The following RBMS3 variants were observed in gnomAD, a reference collection of about 807,000 sequenced individuals.
RBMS3 encodes the protein RNA-binding motif, single-stranded-interacting protein 3.
RBMS3 carries 27 observed loss-of-function variants against 66.8 expected under a neutral mutation model. That is an observed-to-expected ratio of 0.40 (90% CI 0.30 to 0.56). The LOEUF (loss-of-function observed/expected upper bound fraction) is 0.56. Ranked by LOEUF, RBMS3 falls within the 20% of genes least tolerant of loss-of-function variation. The pLI is 0.40. For missense variants in RBMS3, 513 were observed against 549.5 expected (o/e 0.93, Z 0.66); for synonymous variants, 188 against 183.0 (o/e 1.03, Z -0.22).
At position 29,631,583 on chromosome 3, in the gene RBMS3, A is replaced by G. The variant is rs561140412; in HGVS notation, c.399+44378A>G. ...AGACATGTTGACACACCACAGGTCAAACACCAGAATCCCACTAGAACAAAA... is the reference window on the plus strand; with the variant it reads ...AGACATGTTGACACACCACAGGTCAGACACCAGAATCCCACTAGAACAAAA... On this transcript the variant is annotated intron_variant, in intron 4 of 14. Coordinates refer to ENST00000383767, the MANE Select transcript of RBMS3 (RefSeq NM_001003793.3). Among the ~76,000 whole-genome samples, 9 of 152,066 alleles carry G rather than the reference A, an allele frequency of 5.9e-5. 1 individual carries two copies. The highest frequency in any genetic ancestry group is 2.2e-4 in the African/African-American group (9 of 41,526).
intron 1 of RBMS3, among the ~76,000 whole-genome samples, chr3:29,289,062 T>C (rs2032602538): frequency 1.3e-5 from 2 of 151,958 alleles, no homozygotes; most frequent in African/African-American, 4.8e-5. Flanking sequence ...TAAGTTCCTA[T>C]TATGCTTGCT....
chr3:29,501,052 G>A (rs1249041527), intron 3 of RBMS3, among the ~76,000 whole-genome samples: 1 of 152,200 alleles, frequency 6.6e-6, no homozygotes. Flanking sequence ...TCCTGGGGAA[G>A]TTGTTCTGCC....
chr3:29,913,246 G>A (rs954793397), intron 10 of RBMS3, among the ~76,000 whole-genome samples: 3 of 151,952 alleles, frequency 2.0e-5, no homozygotes, highest in Admixed American at 2.0e-4. Flanking sequence ...TTTGGCATCA[G>A]ATAAAGCTGA....
At chr3:29,401,396 C>T (rs540543175) in intron 1 of RBMS3, among the ~76,000 whole-genome samples, 94 of 152,138 alleles carry the variant, frequency 6.2e-4, no homozygotes, top group African/African-American at 2.0e-3. Context: ...GGCTGTCCCG[C>T]GTTTACAGTC....
intron 4 of RBMS3, among the ~76,000 whole-genome samples, chr3:29,668,533 C>T (rs2050861392): frequency 6.6e-6 from 1 of 152,176 alleles, no homozygotes; most frequent in Admixed American, 6.5e-5. Flanking sequence ...TAACACTTGC[C>T]TTTTTTCCTA....
intron 10 of RBMS3, among the ~76,000 whole-genome samples, chr3:29,933,568 G>A (rs1407436632): frequency 6.6e-6 from 1 of 151,946 alleles, no homozygotes; most frequent in Non-Finnish European, 1.5e-5. Context: ...ATAATTTGTA[G>A]GATTGTTTTC....
intron 4 of RBMS3, among the ~76,000 whole-genome samples, chr3:29,636,726 A>T (rs2049488559): frequency 6.6e-6 from 1 of 151,934 alleles, no homozygotes. Flanking sequence ...TTTGCGCAGC[A>T]CGACTTCACA....
intron 5 of RBMS3, among the ~76,000 whole-genome samples, chr3:29,761,029 T>C (rs2055661748): frequency 6.6e-6 from 1 of 152,140 alleles, no homozygotes; most frequent in Non-Finnish European, 1.5e-5. Flanking sequence ...CTACACTCTC[T>C]TGTCATAGCA....
chr3:29,310,001 T>C (rs1349168895), intron 1 of RBMS3, among the ~76,000 whole-genome samples: 4 of 151,586 alleles, frequency 2.6e-5, no homozygotes, highest in Non-Finnish European at 5.9e-5. Context: ...GGCTTGAGCA[T>C]ATTTGTGATC....
intron 7 of RBMS3, among the ~76,000 whole-genome samples, chr3:29,880,308 G>C (rs2059706254): frequency 6.6e-6 from 1 of 152,110 alleles, no homozygotes; most frequent in South Asian, 2.1e-4. Context: ...AAATATTTCT[G>C]AATCTAATAA....
At chr3:29,529,164 TA>T (rs1179845655) in intron 3 of RBMS3, among the ~76,000 whole-genome samples, 2 of 152,214 alleles carry the variant, frequency 1.3e-5, no homozygotes, top group South Asian at 2.1e-4. Context: ...AAAATGAGTA[TA>T]AAAAATGTGA....
chr3:29,803,704 G>A (rs1050289347), intron 6 of RBMS3, among the ~76,000 whole-genome samples: 1 of 151,876 alleles, frequency 6.6e-6, no homozygotes, highest in Non-Finnish European at 1.5e-5. Flanking sequence ...TATAATGTGT[G>A]ATGAAATATA....
chr3:29,959,612 C>T (rs978401239), intron 12 of RBMS3, among the ~76,000 whole-genome samples: 15 of 152,084 alleles, frequency 9.9e-5, no homozygotes, highest in Non-Finnish European at 1.6e-4. Context: ...AGTTCATTTT[C>T]ATGATGCTGC....
intron 10 of RBMS3, among the ~76,000 whole-genome samples, chr3:29,903,428 A>T (rs144300866): frequency 6.6e-6 from 1 of 152,126 alleles, no homozygotes; most frequent in East Asian, 1.9e-4. Context: ...GCTTCTCAGC[A>T]CAGACGTCTA....
chr3:29,893,703 G>C (rs1472581896), intron 8 of RBMS3, among the ~76,000 whole-genome samples: 1 of 151,440 alleles, frequency 6.6e-6, no homozygotes, highest in Non-Finnish European at 1.5e-5. Flanking sequence ...CTTTTTTCTA[G>C]TTTCTAATGC....
At chr3:29,611,079 A>G (rs186957727) in intron 4 of RBMS3, among the ~76,000 whole-genome samples, 131 of 152,164 alleles carry the variant, frequency 8.6e-4, no homozygotes, top group Admixed American at 2.2e-3. Flanking sequence ...CCAAACATGA[A>G]TTAGAATGCT....
chr3:29,368,358 G>A (rs574826566), intron 1 of RBMS3, among the ~76,000 whole-genome samples: 2 of 152,262 alleles, frequency 1.3e-5, no homozygotes, highest in South Asian at 4.1e-4. Flanking sequence ...GGCTGAAAGT[G>A]AAACAGGTTG....
intron 7 of RBMS3, among the ~76,000 whole-genome samples, chr3:29,881,700 T>C (rs1483582564): frequency 6.6e-6 from 1 of 152,186 alleles, no homozygotes; most frequent in Non-Finnish European, 1.5e-5. Flanking sequence ...TGATAATTAC[T>C]GTATTCCTAG....
At chr3:29,363,539 A>G (rs2037725367) in intron 1 of RBMS3, among the ~76,000 whole-genome samples, 1 of 152,192 alleles carries the variant, frequency 6.6e-6, no homozygotes, top group Non-Finnish European at 1.5e-5. Context: ...TTGTAATCCC[A>G]GTACTTGGGA....
Sources: allele counts gnomAD v4.1 joint callset (sites outside exome capture counted in the v4.1 genomes callset), GRCh38; gene constraint gnomAD v4.1.1; transcripts MANE v1.5; gene names NCBI Gene and HGNC (gene_info 2026-07-23, HGNC 2026-07-21).